The following SLCO1A2 variants were observed in gnomAD, a reference collection of about 807,000 sequenced individuals.
SLCO1A2 encodes the protein solute carrier organic anion transporter family member 1A2.
In SLCO1A2, 67 loss-of-function variants were observed where a neutral mutation model predicts 69.0. The ratio of observed to expected loss-of-function variants is 0.97; its 90% CI spans 0.80 to 1.19. The LOEUF (loss-of-function observed/expected upper bound fraction) is 1.19. Among genes scored for constraint, SLCO1A2 ranks in the 50% most tolerant of loss-of-function variants. The probability of loss-of-function intolerance (pLI) is 0.00; values close to 1 mark genes in which losing one functional copy is unlikely to be tolerated. For synonymous variants in SLCO1A2, 260 were observed against 265.9 expected (o/e 0.98, Z 0.22); for missense variants, 787 against 793.7 (o/e 0.99, Z 0.10).
chr12:21,397,650 G>T (rs1355191804), upstream of SLCO1A2, among the ~76,000 whole-genome samples: 233 of 151,464 alleles, frequency 1.5e-3, no homozygotes, highest in African/African-American at 5.5e-3. Flanking sequence ...AAATGGAAAA[G>T]AACAGAAATT....
At chr12:21,377,013 C>T (rs2058754643) in intron 1 of SLCO1A2, among the ~76,000 whole-genome samples, 1 of 151,550 alleles carries the variant, frequency 6.6e-6, no homozygotes, top group African/African-American at 2.4e-5. Context: ...AAAAGGCTGT[C>T]AAAAAAATAG....
intron 4 of SLCO1A2, among the ~76,000 whole-genome samples, chr12:21,312,435 CTG>C (rs1950343163): frequency 6.6e-6 from 1 of 152,270 alleles, no homozygotes; most frequent in African/African-American, 2.4e-5. Context: ...AGCAATAACA[CTG>C]TTTCACTTTC....
At chr12:21,365,779 C>A (rs1236007331) in intron 2 of SLCO1A2, among the ~76,000 whole-genome samples, 4 of 152,168 alleles carry the variant, frequency 2.6e-5, no homozygotes, top group African/African-American at 7.2e-5. Context: ...ATTTATGCAG[C>A]CAACAGACAC....
chr12:21,419,248 A>T (rs907066856), upstream of SLCO1A2: 1 of 158,258 alleles, frequency 6.3e-6, no homozygotes, highest in Non-Finnish European at 1.4e-5. Context: ...GCTCCGGTCT[A>T]CAGCTCCCAG....
chr12:21,329,755 G>GA (rs34009532), intron 2 of SLCO1A2, among the ~76,000 whole-genome samples: 7 of 149,250 alleles, frequency 4.7e-5, no homozygotes, highest in Non-Finnish European at 8.9e-5. Context: ...ATAACTCTTA[G>GA]AAAAAAAAAT....
intron 2 of SLCO1A2, among the ~76,000 whole-genome samples, chr12:21,365,227 C>T (rs1300103547): frequency 1.3e-5 from 2 of 152,110 alleles, no homozygotes; most frequent in Admixed American, 1.3e-4. Context: ...GAATAGAGCC[C>T]TCAGAAATAA....
intron 12 of SLCO1A2, among the ~76,000 whole-genome samples, chr12:21,276,318 A>G (rs1943812156): frequency 6.6e-6 from 1 of 152,026 alleles, no homozygotes; most frequent in Admixed American, 6.6e-5. Flanking sequence ...AAAATATAAG[A>G]GAACAGTACC....
rs1344447097 is a variant in SLCO1A2, at chr12:21,300,541, A to G, written c.717T>C (p.Thr239=). 6.2e-7 allele frequency: 1 copy of G among 1,612,626 alleles called. No individual in the cohort carries two copies. Among genetic ancestry groups the G allele is most frequent in the Non-Finnish European group, 8.5e-7 (1 of 1,179,326 alleles). ...CAAACCACCATGCACCGACCCAACG[A>G]GTGTCAGTGGGAGTTATGATCAGAT... is the stretch of plus-strand genomic sequence containing the variant. ...TDDLIITPTD[T]RWVGAWWFGF... is the part of the protein sequence containing the mutation. Residue 239 remains threonine, a synonymous_variant, in exon 8 of 15, where the codon ACT becomes ACC. Transcript: ENST00000683939.
chr12:21,396,577 C>A (rs1477237777), upstream of SLCO1A2, among the ~76,000 whole-genome samples: 2 of 151,616 alleles, frequency 1.3e-5, no homozygotes, highest in Non-Finnish European at 2.9e-5. Context: ...TTGTCAGATT[C>A]ACCAAAGGTG....
chr12:21,379,611 T>G (rs962001325), intron 1 of SLCO1A2: 1 of 152,226 alleles, frequency 6.6e-6, no homozygotes, highest in Non-Finnish European at 1.5e-5. Flanking sequence ...ATGCTTTGCT[T>G]TGAGTCAGAT....
chr12:21,313,120 G>C (rs1285660093), intron 4 of SLCO1A2, among the ~76,000 whole-genome samples: 1 of 152,046 alleles, frequency 6.6e-6, no homozygotes, highest in Non-Finnish European at 1.5e-5. Context: ...TCTTAAATGG[G>C]CATAAGTTAG....
At chr12:21,282,512 T>C (rs1430166570) in intron 12 of SLCO1A2, among the ~76,000 whole-genome samples, 1 of 152,094 alleles carries the variant, frequency 6.6e-6, no homozygotes, top group Admixed American at 6.6e-5. Flanking sequence ...TGAAAGCCCT[T>C]ATTCTGTAAT....
rs893293339 is a variant in SLCO1A2, at chr12:21,265,906, C to A, written c.*3642G>T. On this transcript the variant is annotated 3_prime_UTR_variant, in exon 15 of 15. Transcript: ENST00000683939. ...TATATTTTCTTATATAGAAATCATA[C>A]TCTTTTAACATCTACAACCTCTTCT... 6.6e-6 allele frequency: 1 copy of A among 152,098 alleles called. No homozygotes were observed. The highest frequency in any genetic ancestry group is 1.5e-5 in the Non-Finnish European group (1 of 68,008). 9.4% of individuals were successfully genotyped at this position (152,098 alleles called of 1,614,324 possible). A position where few individuals can be genotyped will look rare whatever the true frequency, so the allele number is the denominator to read the frequency against.
chr12:21,338,257 G>A (rs538592671), upstream of SLCO1A2, among the ~76,000 whole-genome samples: 1 of 151,994 alleles, frequency 6.6e-6, no homozygotes, highest in African/African-American at 2.4e-5. Context: ...CTCAGTCTTG[G>A]TGTCCAACCC....
chr12:21,318,357 G>T (rs1228972854), intron 3 of SLCO1A2, among the ~76,000 whole-genome samples: 2 of 152,050 alleles, frequency 1.3e-5, no homozygotes, highest in Non-Finnish European at 2.9e-5. Context: ...CTGACCTCGT[G>T]ATCCACCCAT....
At chr12:21,347,678 A>AAGGAAGGAAGGC (rs1953313232) in intron 2 of SLCO1A2, among the ~76,000 whole-genome samples, 1 of 139,922 alleles carries the variant, frequency 7.1e-6, no homozygotes, top group South Asian at 2.3e-4. Context: ...GAAAGGAAGG[A>AAGGAAGGAAGGC]AGGAAGGAAG....
intron 1 of SLCO1A2, among the ~76,000 whole-genome samples, chr12:21,415,234 C>G (rs1941970885): frequency 6.6e-6 from 1 of 151,788 alleles, no homozygotes; most frequent in African/African-American, 2.4e-5. Context: ...TCTCTATTTC[C>G]CCTTAATGAG....
chr12:21,289,084 C>T (rs964551034), intron 12 of SLCO1A2, among the ~76,000 whole-genome samples: 1 of 151,210 alleles, frequency 6.6e-6, no homozygotes, highest in Non-Finnish European at 1.5e-5. Flanking sequence ...AGTTTAAAAT[C>T]ATATACATAT....
intron 2 of SLCO1A2, among the ~76,000 whole-genome samples, chr12:21,326,365 G>A (rs1372082034): frequency 6.6e-6 from 1 of 152,188 alleles, no homozygotes; most frequent in Non-Finnish European, 1.5e-5. Context: ...ATGTGGAAAT[G>A]ACTTTGGAAC....
Sources: gnomAD v4.1 joint callset for allele counts (sites outside exome capture counted in the v4.1 genomes callset) on GRCh38, gnomAD v4.1.1 for gene constraint, MANE v1.5 for transcripts, NCBI Gene and HGNC (gene_info 2026-07-23, HGNC 2026-07-21) for gene names.